SKAP2: variants seen among roughly 807,000 people sequenced by gnomAD.
SKAP2 encodes the protein src kinase associated phosphoprotein 2.
SKAP2 carries 28 observed loss-of-function variants against 54.9 expected under a neutral mutation model. The ratio of observed to expected loss-of-function variants is 0.51; its 90% CI spans 0.38 to 0.70. The LOEUF (loss-of-function observed/expected upper bound fraction) is 0.70, where lower values mean the gene tolerates loss of function less well. Ranked by LOEUF, SKAP2 falls within the 30% of genes least tolerant of loss-of-function variation. The probability of loss-of-function intolerance (pLI) is 0.00; values close to 1 mark genes in which losing one functional copy is unlikely to be tolerated. For synonymous variants in SKAP2, 137 were observed against 134.3 expected, an observed-to-expected ratio of 1.02 and a Z score of -0.14; for missense variants, 356 against 424.1, an observed-to-expected ratio of 0.84 and a Z score of 1.41.
intron 10 of SKAP2, among the ~76,000 whole-genome samples, chr7:26,687,240 G>T (rs1786667129): frequency 6.6e-6 from 1 of 150,742 alleles, no homozygotes; most frequent in African/African-American, 2.4e-5. Flanking sequence ...CCCACCGTGT[G>T]CAAGATGCAT....
chr7:26,714,960 GA>G (rs1277430070), intron 9 of SKAP2, among the ~76,000 whole-genome samples: 1 of 152,098 alleles, frequency 6.6e-6, no homozygotes, highest in Non-Finnish European at 1.5e-5. Flanking sequence ...AAGACTGTTA[GA>G]AGCTATGTCT....
intron 4 of SKAP2, among the ~76,000 whole-genome samples, chr7:26,798,905 AACATACAACGG>A: frequency 6.6e-6 from 1 of 152,216 alleles, no homozygotes; most frequent in Non-Finnish European, 1.5e-5. Context: ...CAAACCAAAA[AACATACAACGG>A]ACACACAAGA....
intron 4 of SKAP2, among the ~76,000 whole-genome samples, chr7:26,819,681 T>C (rs1248947673): frequency 6.6e-6 from 1 of 152,190 alleles, no homozygotes; most frequent in Non-Finnish European, 1.5e-5. Context: ...ATGCCTTCAG[T>C]TGTTAAAAGA....
intron 11 of SKAP2, among the ~76,000 whole-genome samples, chr7:26,671,520 G>A (rs938744712): frequency 6.6e-6 from 1 of 151,986 alleles, no homozygotes; most frequent in African/African-American, 2.4e-5. Flanking sequence ...TCAATAGAGA[G>A]ATTATAGGAT....
At chr7:26,775,541 G>C (rs1783286263) in intron 4 of SKAP2, among the ~76,000 whole-genome samples, 1 of 110,794 alleles carries the variant, frequency 9.0e-6, no homozygotes, top group South Asian at 2.5e-4. Flanking sequence ...GTGTGTGTGT[G>C]TGTGTGTGTG....
chr7:26,828,444 G>A lies in SKAP2; in HGVS notation c.307+15586C>T, dbSNP rs534142797. Among the ~76,000 whole-genome samples, 16 of 152,072 alleles carry A rather than the reference G, an allele frequency of 1.1e-4. No individual in the cohort carries two copies. In the East Asian group the frequency reaches 1.2e-3, roughly 11 times the overall value. ...TGTAATCCCAGCACTTTGGGAGGCC[G>A]AGGCAGGCAGATCACCAGGTCAGGA... On this transcript the variant is annotated intron_variant, in intron 4 of 12. Coordinates refer to ENST00000345317, the MANE Select transcript of SKAP2 (RefSeq NM_003930.5).
chr7:26,756,421 T>C (rs867486389), intron 4 of SKAP2, among the ~76,000 whole-genome samples: 43 of 152,296 alleles, frequency 2.8e-4, no homozygotes, highest in African/African-American at 9.6e-4. Context: ...AGTGAGAACA[T>C]GTGGTGTTTG....
the SKAP2 span, among the ~76,000 whole-genome samples, chr7:26,660,550 C>T: frequency 6.6e-6 from 1 of 152,080 alleles, no homozygotes; most frequent in African/African-American, 2.4e-5. Context: ...GGATGGTATA[C>T]TTATAGCTTG....
chr7:26,687,691 G>C (rs1028093247), intron 10 of SKAP2, among the ~76,000 whole-genome samples: 1 of 152,068 alleles, frequency 6.6e-6, no homozygotes. Context: ...AATTTAAAGT[G>C]TAGCTAAACA....
At position 26,718,663 on chromosome 7, in the gene SKAP2, G is replaced by A. The variant is rs142645012; in HGVS notation, c.796+6765C>T. ...CGGGACTACAGGCACGTGCCACCAC[G>A]CCCAGCTAATTTTTGTATTTTTAGT... is the stretch of plus-strand genomic sequence containing the variant. On this transcript the variant is annotated intron_variant, in intron 9 of 12. Coordinates refer to ENST00000345317, the MANE Select transcript of SKAP2 (RefSeq NM_003930.5). 4.6e-4 allele frequency among the ~76,000 whole-genome samples: 70 copies of A among 151,926 alleles called. 1 individual carries two copies. The East Asian group carries it at 0.012, about 25-fold the overall frequency.
intron 4 of SKAP2, among the ~76,000 whole-genome samples, chr7:26,758,916 T>C (rs557646105): frequency 2.9e-4 from 44 of 152,280 alleles, no homozygotes; most frequent in African/African-American, 1.0e-3. Context: ...TACAAACGGA[T>C]TTTTGGACGT....
rs528599404 is a variant in SKAP2 at position 26,766,016 on chromosome 7, T to C, written c.308-26052A>G. On this transcript the variant is annotated intron_variant, in intron 4 of 12. Transcript: ENST00000345317. Reference sequence around the variant, plus strand: ...TTTCTAATTCAGTGAAGAAAGTCAATGGTAGCTTGATGGGGATAGCATTGA... The same window carrying C: ...TTTCTAATTCAGTGAAGAAAGTCAACGGTAGCTTGATGGGGATAGCATTGA... Among the ~76,000 whole-genome samples the C allele has an allele frequency of 1.6e-4, 25 of 151,940 alleles. No homozygotes were observed. In the South Asian group the frequency reaches 3.8e-3, roughly 23 times the overall value.
chr7:26,827,985 A>T (rs1462354045), intron 4 of SKAP2, among the ~76,000 whole-genome samples: 8 of 152,194 alleles, frequency 5.3e-5, no homozygotes, highest in Non-Finnish European at 1.0e-4. Context: ...ATACATACAT[A>T]CATATCTTAA....
intron 4 of SKAP2, among the ~76,000 whole-genome samples, chr7:26,830,020 C>T (rs966657851): frequency 3.3e-5 from 5 of 151,918 alleles, no homozygotes; most frequent in African/African-American, 4.8e-5. Flanking sequence ...GATGGATGAA[C>T]AAAAGGTGGC....
chr7:26,669,550 A>G lies in SKAP2; in HGVS notation c.*116T>C, dbSNP rs947885700. On this transcript the variant is annotated 3_prime_UTR_variant, in exon 13 of 13. Transcript: ENST00000345317. ...CGACTGCATAAAATAACAGTCAAAG[A>G]TAAGTAATGTTTAATAAAACAAGGA... 5.3e-5 allele frequency: 8 copies of G among 152,164 alleles called. No individual in the cohort carries two copies. In the East Asian group the frequency reaches 1.5e-3, roughly 29 times the overall value. The allele number at this position is 152,164 out of a possible 1,614,324, so 9.4% of individuals were successfully genotyped here.
intron 1 of SKAP2, 112 bp from the exon 2 acceptor site, chr7:26,855,002 TGTTATA>T (rs1239589841): frequency 1.4e-6 from 1 of 693,976 alleles, no homozygotes; most frequent in African/African-American, 1.8e-5. Context: ...CTGTACAATT[TGTTATA>T]GTTATTTATC....
At chr7:26,707,907 T>C (rs74371461) in intron 9 of SKAP2, among the ~76,000 whole-genome samples, 1,814 of 152,222 alleles carry the variant, frequency 0.012, 36 homozygotes, top group African/African-American at 0.041. Flanking sequence ...ATTTCAAAAC[T>C]CCTGGGGTTC....
chr7:26,760,830 G>T (rs925890259), intron 4 of SKAP2, among the ~76,000 whole-genome samples: 7 of 151,990 alleles, frequency 4.6e-5, no homozygotes, highest in African/African-American at 1.4e-4. Flanking sequence ...CCAAAGGAAG[G>T]CCAAAAAGAA....
At chr7:26,730,936 T>A (rs1787811178) in intron 6 of SKAP2, among the ~76,000 whole-genome samples, 1 of 152,160 alleles carries the variant, frequency 6.6e-6, no homozygotes, top group African/African-American at 2.4e-5. Context: ...TAATAGAACA[T>A]ATCTCATATA....
Sources: gnomAD v4.1 joint callset for allele counts (sites outside exome capture counted in the v4.1 genomes callset) on GRCh38, gnomAD v4.1.1 for gene constraint, MANE v1.5 for transcripts, NCBI Gene and HGNC (gene_info 2026-07-23, HGNC 2026-07-21) for gene names.